Variants in PCSK2 observed in about 807,000 individuals in gnomAD.
PCSK2 encodes proprotein convertase subtilisin/kexin type 2, also known as neuroendocrine convertase 2.
A neutral mutation model predicts 69.7 loss-of-function variants in PCSK2; 14 were observed. The observed-to-expected ratio is 0.20, with a 90% CI of 0.13 to 0.31. The LOEUF (loss-of-function observed/expected upper bound fraction) is 0.31, where lower values mean the gene tolerates loss of function less well. Ranked by LOEUF, PCSK2 falls within the 10% of genes least tolerant of loss-of-function variation. PCSK2 has a pLI of 1.00. For synonymous variants in PCSK2, 307 were observed against 320.7 expected (o/e 0.96, Z 0.46); for missense variants, 544 against 842.5 (o/e 0.65, Z 4.39).
intron 8 of PCSK2, among the ~76,000 whole-genome samples, chr20:17,448,884 T>C (rs911623269): frequency 6.9e-6 from 1 of 145,198 alleles, no homozygotes; most frequent in Non-Finnish European, 1.5e-5. Flanking sequence ...TTCACCTAAA[T>C]GCACTTGCCT....
At chr20:17,385,871 T>C (rs2031221160) in intron 5 of PCSK2, among the ~76,000 whole-genome samples, 1 of 152,194 alleles carries the variant, frequency 6.6e-6, no homozygotes, top group African/African-American at 2.4e-5. Flanking sequence ...AGTACAAGTA[T>C]GAACACACCA....
At chr20:17,231,628 C>T (rs1012400274) in intron 1 of PCSK2, among the ~76,000 whole-genome samples, 16 of 152,120 alleles carry the variant, frequency 1.1e-4, no homozygotes, top group African/African-American at 3.6e-4. Context: ...TTTTCTATTG[C>T]TGTGTATCAC....
intron 2 of PCSK2, among the ~76,000 whole-genome samples, chr20:17,289,041 T>C (rs1354590008): frequency 6.6e-6 from 1 of 152,230 alleles, no homozygotes; most frequent in Non-Finnish European, 1.5e-5. Context: ...AACCACCTTG[T>C]GCCTAGAAAG....
intron 2 of PCSK2, among the ~76,000 whole-genome samples, chr20:17,314,139 G>T (rs1989603899): frequency 6.6e-6 from 1 of 151,872 alleles, no homozygotes. Context: ...ACCAAAAACT[G>T]AGCAATTTTA....
chr20:17,343,102 A>C (rs1034504753), intron 2 of PCSK2, among the ~76,000 whole-genome samples: 7 of 152,230 alleles, frequency 4.6e-5, no homozygotes, highest in Non-Finnish European at 1.0e-4. Context: ...GGGCCTAGAC[A>C]GTCCTTCTCC....
chr20:17,386,349 C>G (rs1352221815), intron 5 of PCSK2, among the ~76,000 whole-genome samples: 1 of 152,114 alleles, frequency 6.6e-6, no homozygotes, highest in East Asian at 1.9e-4. Flanking sequence ...AAATATCAAT[C>G]AATCAATCGA....
At chr20:17,275,781 G>T (rs887121937) in intron 2 of PCSK2, among the ~76,000 whole-genome samples, 1 of 152,110 alleles carries the variant, frequency 6.6e-6, no homozygotes, top group Non-Finnish European at 1.5e-5. Context: ...CAGAACTCTT[G>T]TCCCTCTCTA....
chr20:17,467,849 C>T (rs1250755209), intron 11 of PCSK2, among the ~76,000 whole-genome samples: 3 of 152,234 alleles, frequency 2.0e-5, no homozygotes, highest in East Asian at 3.8e-4. Flanking sequence ...TCATTCATGA[C>T]TAGATGTGAA....
intron 5 of PCSK2, among the ~76,000 whole-genome samples, chr20:17,376,246 A>G (rs572588712): frequency 3.9e-4 from 59 of 152,346 alleles, no homozygotes; most frequent in Non-Finnish European, 7.1e-4. Flanking sequence ...GCCAACCCAC[A>G]GAAACAAGCA....
At chr20:17,258,797 T>TGTGTGTG (rs1555782145) in intron 1 of PCSK2, among the ~76,000 whole-genome samples, 7 of 151,146 alleles carry the variant, frequency 4.6e-5, no homozygotes, top group South Asian at 4.2e-4. Context: ...TGTGTGTGTG[T>TGTGTGTG]TTAAGCAAGG....
chr20:17,284,891 C>A (rs1988458618), intron 2 of PCSK2, among the ~76,000 whole-genome samples: 1 of 152,164 alleles, frequency 6.6e-6, no homozygotes, highest in Admixed American at 6.5e-5. Flanking sequence ...AAACTATATT[C>A]TCACTCTGAT....
chr20:17,268,033 G>GTATGTATATATATATATA (rs1433692727), intron 2 of PCSK2, among the ~76,000 whole-genome samples: 81 of 66,296 alleles, frequency 1.2e-3, no homozygotes, highest in Non-Finnish European at 2.0e-3. Context: ...TATCCAATGT[G>GTATGTATATATATATATA]TATATATATA....
intron 10 of PCSK2, chr20:17,463,392 A>G (rs1441805861): frequency 6.6e-6 from 1 of 152,206 alleles, no homozygotes; most frequent in East Asian, 1.9e-4. Flanking sequence ...ACCATTTTAC[A>G]TCATTTACAC....
intron 5 of PCSK2, among the ~76,000 whole-genome samples, chr20:17,381,646 T>C (rs1487125237): frequency 1.3e-5 from 2 of 152,228 alleles, no homozygotes; most frequent in East Asian, 3.8e-4. Flanking sequence ...ATTATTCATA[T>C]GGCTGATATG....
intron 5 of PCSK2, among the ~76,000 whole-genome samples, chr20:17,373,678 C>T (rs1350198911): frequency 3.3e-5 from 5 of 152,166 alleles, no homozygotes; most frequent in African/African-American, 1.2e-4. Context: ...TCAAACCAAC[C>T]AAAATGTTTC....
At chr20:17,260,570 G>A (rs1474711780) in intron 2 of PCSK2, among the ~76,000 whole-genome samples, 1 of 152,198 alleles carries the variant, frequency 6.6e-6, no homozygotes, top group East Asian at 1.9e-4. Flanking sequence ...AGGAAATTGG[G>A]ATACCACCCT....
chr20:17,288,969 C>G (rs1052888491), intron 2 of PCSK2, among the ~76,000 whole-genome samples: 1 of 152,136 alleles, frequency 6.6e-6, no homozygotes, highest in Non-Finnish European at 1.5e-5. Context: ...AGGAAAGCTG[C>G]GTTCTTGTGC....
intron 8 of PCSK2, among the ~76,000 whole-genome samples, chr20:17,445,978 T>G (rs2032691886): frequency 6.6e-6 from 1 of 152,212 alleles, no homozygotes; most frequent in South Asian, 2.1e-4. Flanking sequence ...CATTGAAAAG[T>G]CCTACATCTC....
At chr20:17,367,146 T>C (rs1183003587) in intron 4 of PCSK2, among the ~76,000 whole-genome samples, 2 of 151,966 alleles carry the variant, frequency 1.3e-5, no homozygotes, top group Non-Finnish European at 1.5e-5. Context: ...GTATAAATTA[T>C]CAAAATTTTT....
Sources: allele counts gnomAD v4.1 joint callset (sites outside exome capture counted in the v4.1 genomes callset), GRCh38; gene constraint gnomAD v4.1.1; transcripts MANE v1.5; gene names NCBI Gene and HGNC (gene_info 2026-07-23, HGNC 2026-07-21).